Variants in SNX8 observed in about 807,000 individuals in gnomAD.
SNX8 encodes sorting nexin-8.
In SNX8, 25 loss-of-function variants were observed where a neutral mutation model predicts 51.6. That is an observed-to-expected ratio of 0.48 (90% CI 0.35 to 0.68). SNX8 has a LOEUF of 0.68. Among genes scored for constraint, SNX8 ranks in the 30% least tolerant of loss-of-function variants. The probability of loss-of-function intolerance (pLI) is 0.00; values close to 1 mark genes in which losing one functional copy is unlikely to be tolerated. For missense variants in SNX8, 695 were observed against 624.0 expected, an observed-to-expected ratio of 1.11 and a Z score of -1.21; for synonymous variants, 324 against 277.0, an observed-to-expected ratio of 1.17 and a Z score of -1.68.
At chr7:2,344,407 C>T (rs966033514) in intron 1 of SNX8, among the ~76,000 whole-genome samples, 7 of 150,816 alleles carry the variant, frequency 4.6e-5, no homozygotes, top group African/African-American at 1.5e-4. Context: ...GTCAGGAGAT[C>T]GAAACCATCC....
At chr7:2,278,016 G>A in intron 2 of SNX8, 84 bp downstream of exon 2, 4 of 1,533,456 alleles carry the variant, frequency 2.6e-6, no homozygotes, top group Non-Finnish European at 3.5e-6. Flanking sequence ...GCCTTCTCCT[G>A]TCACACCACT....
At chr7:2,349,667 C>T (rs1464156651) in intron 1 of SNX8, among the ~76,000 whole-genome samples, 2 of 152,044 alleles carry the variant, frequency 1.3e-5, no homozygotes, top group Admixed American at 6.6e-5. Flanking sequence ...GAACTCCTGC[C>T]TTCAAGAGAT....
chr7:2,289,606 C>A (rs899601134), intron 1 of SNX8, among the ~76,000 whole-genome samples: 1 of 152,100 alleles, frequency 6.6e-6, no homozygotes. Flanking sequence ...AGAGAGGAAG[C>A]AAAAATTCTG....
At chr7:2,256,083 AC>A (rs1396488020) in intron 10 of SNX8, among the ~76,000 whole-genome samples, 1 of 152,100 alleles carries the variant, frequency 6.6e-6, no homozygotes, top group African/African-American at 2.4e-5. Context: ...CTGAGGACAC[AC>A]CCGGCCACTC....
chr7:2,321,710 G>A (rs762122497), intron 1 of SNX8, among the ~76,000 whole-genome samples: 344 of 137,102 alleles, frequency 2.5e-3, no homozygotes, highest in Non-Finnish European at 3.6e-3. Context: ...CACCGCGCCC[G>A]GCCTTTTTTT....
chr7:2,325,113 T>C (rs896655315), intron 1 of SNX8, among the ~76,000 whole-genome samples: 4 of 152,240 alleles, frequency 2.6e-5, no homozygotes, highest in African/African-American at 9.6e-5. Flanking sequence ...ATTACAGGCA[T>C]GAGCCACCAT....
chr7:2,289,398 A>T (rs1039233001), intron 1 of SNX8, among the ~76,000 whole-genome samples: 1 of 152,092 alleles, frequency 6.6e-6, no homozygotes, highest in African/African-American at 2.4e-5. Flanking sequence ...TTCCAAAGTG[A>T]CTGAGCCAAT....
At chr7:2,307,978 A>G (rs1330330509) in intron 1 of SNX8, 3 of 152,132 alleles carry the variant, frequency 2.0e-5, no homozygotes, top group East Asian at 3.9e-4. Flanking sequence ...TCTGTTCTAC[A>G]TAACAGTGAT....
chr7:2,314,866 C>A (rs1205697769), upstream of SNX8, among the ~76,000 whole-genome samples: 1 of 152,120 alleles, frequency 6.6e-6, no homozygotes, highest in African/African-American at 2.4e-5. Flanking sequence ...CCACGCACTG[C>A]ATCCTGCATT....
At chr7:2,283,958 G>T (rs1795965066) in intron 1 of SNX8, among the ~76,000 whole-genome samples, 1 of 152,092 alleles carries the variant, frequency 6.6e-6, no homozygotes, top group South Asian at 2.1e-4. Flanking sequence ...ACCATACCTG[G>T]CTAATTTTGC....
At chr7:2,268,494 G>T (rs1212839187) in intron 5 of SNX8, among the ~76,000 whole-genome samples, 1 of 146,404 alleles carries the variant, frequency 6.8e-6, no homozygotes. Context: ...CATCCGGGAG[G>T]GAGGTGGGGG....
intron 4 of SNX8, among the ~76,000 whole-genome samples, chr7:2,270,920 C>T (rs948671585): frequency 2.6e-5 from 4 of 152,012 alleles, no homozygotes; most frequent in Non-Finnish European, 5.9e-5. Context: ...CAGTGGAGCC[C>T]CCGCCCCTCC....
Position 2,254,645 on chromosome 7 carries a change from G to A in SNX8, c.*411C>T, listed in dbSNP as rs1018614095. On this transcript the variant is annotated 3_prime_UTR_variant, in exon 11 of 11. Transcript: ENST00000222990. ...TGGTCAGTCCCATGCCTGGGCTGCA[G>A]GGCAGCCCTGCCCTCTCTCCTCGGC... The A allele has an allele frequency of 1.4e-5, 3 of 209,374 alleles. No individual in the cohort carries two copies. The highest frequency in any genetic ancestry group is 2.3e-5 in the African/African-American group (1 of 42,640). 13.0% of individuals were successfully genotyped at this position (209,374 alleles called of 1,614,324 possible).
At chr7:2,332,079 C>T (rs900359138) in intron 1 of SNX8, among the ~76,000 whole-genome samples, 1 of 151,260 alleles carries the variant, frequency 6.6e-6, no homozygotes, top group African/African-American at 2.4e-5. Flanking sequence ...TGTCGGCTTG[C>T]ACCTGTAGTT....
chr7:2,282,998 G>A (rs182649397), intron 1 of SNX8, among the ~76,000 whole-genome samples: 54 of 151,970 alleles, frequency 3.6e-4, no homozygotes, highest in African/African-American at 1.2e-3. Flanking sequence ...GCGGAAGCCT[G>A]TAGTCCCAGC....
intron 1 of SNX8, among the ~76,000 whole-genome samples, chr7:2,340,592 C>G (rs1337346903): frequency 6.6e-6 from 1 of 151,716 alleles, no homozygotes; most frequent in Non-Finnish European, 1.5e-5. Flanking sequence ...TGCGGTGGCT[C>G]ACGCCTGTAA....
At chr7:2,343,279 T>A (rs1329752846) in intron 1 of SNX8, among the ~76,000 whole-genome samples, 1 of 151,980 alleles carries the variant, frequency 6.6e-6, no homozygotes, top group Non-Finnish European at 1.5e-5. Context: ...CCAAACTGTA[T>A]GATGAAAGAG....
At chr7:2,282,414 G>T (rs548689172) in intron 1 of SNX8, among the ~76,000 whole-genome samples, 3 of 152,114 alleles carry the variant, frequency 2.0e-5, no homozygotes, top group Non-Finnish European at 4.4e-5. Context: ...GTCAGCCGCC[G>T]GCCCACTGTG....
chr7:2,328,648 A>C (rs1778671378), intron 1 of SNX8, among the ~76,000 whole-genome samples: 1 of 151,500 alleles, frequency 6.6e-6, no homozygotes, highest in Non-Finnish European at 1.5e-5. Context: ...CACCATCTCT[A>C]TTAAAAATAC....
Sources: gnomAD v4.1 joint callset for allele counts (sites outside exome capture counted in the v4.1 genomes callset) on GRCh38, gnomAD v4.1.1 for gene constraint, MANE v1.5 for transcripts, NCBI Gene and HGNC (gene_info 2026-07-23, HGNC 2026-07-21) for gene names.